Variants in HIVEP3 observed in about 807,000 individuals in gnomAD.
HIVEP3 encodes HIVEP zinc finger 3.
A neutral mutation model predicts 152.8 loss-of-function variants in HIVEP3; 49 were observed. That is an observed-to-expected ratio of 0.32 (90% CI 0.26 to 0.41). The LOEUF (loss-of-function observed/expected upper bound fraction) is 0.41, where lower values mean the gene tolerates loss of function less well. Ranked by LOEUF, HIVEP3 falls within the 10% of genes least tolerant of loss-of-function variation. The pLI is 1.00. For missense variants in HIVEP3, 2,790 were observed against 3,103.3 expected (o/e 0.90, Z 2.40); for synonymous variants, 1,269 against 1,289.0 (o/e 0.98, Z 0.33).
At chr1:41,942,540 T>C (rs1029586541) in intron 1 of HIVEP3, among the ~76,000 whole-genome samples, 3 of 152,234 alleles carry the variant, frequency 2.0e-5, no homozygotes, top group Admixed American at 6.5e-5. Context: ...ATAACCCCTA[T>C]GGAACTTTTT....
At position 41,556,285 on chromosome 1, in the gene HIVEP3, A is replaced by T. The variant is rs1345783743; in HGVS notation, c.5207+19259T>A. Among the ~76,000 whole-genome samples the T allele has an allele frequency of 2.0e-5, 3 of 152,310 alleles. No homozygotes were observed. The East Asian group carries it at 5.8e-4, about 29-fold the overall frequency. ...TTCCAATTTCTCCACATCCTTCTCAACACTTATTTTCCATGTTTTTGATAA... is the reference window on the plus strand; with the variant it reads ...TTCCAATTTCTCCACATCCTTCTCATCACTTATTTTCCATGTTTTTGATAA... On this transcript the variant is annotated intron_variant, in intron 5 of 8. Transcript: ENST00000372583.
At chr1:41,805,107 C>T (rs905487330) in intron 1 of HIVEP3, among the ~76,000 whole-genome samples, 43 of 152,284 alleles carry the variant, frequency 2.8e-4, no homozygotes, top group African/African-American at 9.1e-4. Flanking sequence ...GAGGCTGAGG[C>T]GGGCACATCG....
At chr1:41,934,845 C>T (rs970974159) in intron 1 of HIVEP3, among the ~76,000 whole-genome samples, 4 of 152,150 alleles carry the variant, frequency 2.6e-5, no homozygotes, top group East Asian at 1.9e-4. Context: ...AAAGCATCTA[C>T]CAGCCTGCAA....
chr1:41,612,340 G>T (rs1644910886), intron 3 of HIVEP3, among the ~76,000 whole-genome samples: 1 of 152,200 alleles, frequency 6.6e-6, no homozygotes, highest in Non-Finnish European at 1.5e-5. Flanking sequence ...CCTTACGTTA[G>T]TGCAGTGACT....
intron 3 of HIVEP3, among the ~76,000 whole-genome samples, chr1:41,622,843 C>T (rs1185208285): frequency 1.3e-5 from 2 of 152,210 alleles, no homozygotes; most frequent in East Asian, 3.8e-4. Flanking sequence ...AGATCAACAA[C>T]AACATTGCTG....
intron 1 of HIVEP3, among the ~76,000 whole-genome samples, chr1:41,985,614 T>G (rs376187086): frequency 1.3e-5 from 2 of 152,324 alleles, no homozygotes; most frequent in East Asian, 3.9e-4. Context: ...CCATTGAGTT[T>G]AGGGTTTCAA....
intron 1 of HIVEP3, among the ~76,000 whole-genome samples, chr1:41,721,261 G>A (rs934904045): frequency 2.6e-5 from 4 of 151,668 alleles, no homozygotes; most frequent in Non-Finnish European, 2.9e-5. Context: ...AGGCTGGAGT[G>A]CAATGGAGCG....
chr1:41,868,198 T>G (rs1644015039), intron 1 of HIVEP3, among the ~76,000 whole-genome samples: 3 of 7,008 alleles, frequency 4.3e-4, no homozygotes, highest in Admixed American at 1.5e-3. Flanking sequence ...TTTGTGGGGG[T>G]TTTTTTTTTT....
At chr1:41,799,973 T>C (rs931745150) in intron 1 of HIVEP3, among the ~76,000 whole-genome samples, 1 of 152,102 alleles carries the variant, frequency 6.6e-6, no homozygotes, top group African/African-American at 2.4e-5. Flanking sequence ...CCCACATCCC[T>C]AGGAGCAGCC....
intron 2 of HIVEP3, among the ~76,000 whole-genome samples, chr1:41,694,819 A>G (rs1646248269): frequency 6.6e-6 from 1 of 152,220 alleles, no homozygotes; most frequent in Non-Finnish European, 1.5e-5. Flanking sequence ...AGTTGGGATC[A>G]CTAGTCTCAT....
chr1:41,688,336 C>T (rs923508083), intron 2 of HIVEP3, among the ~76,000 whole-genome samples: 1 of 152,240 alleles, frequency 6.6e-6, no homozygotes, highest in African/African-American at 2.4e-5. Flanking sequence ...GGACTCTTTT[C>T]CTGGATGGCT....
intron 1 of HIVEP3, among the ~76,000 whole-genome samples, chr1:41,796,637 G>A (rs1261341614): frequency 1.3e-5 from 2 of 152,238 alleles, no homozygotes; most frequent in East Asian, 1.9e-4. Flanking sequence ...ATTATCTTGA[G>A]CAGGTAATTT....
chr1:41,622,715 A>G (rs1645064024), intron 3 of HIVEP3, among the ~76,000 whole-genome samples: 1 of 152,174 alleles, frequency 6.6e-6, no homozygotes, highest in Non-Finnish European at 1.5e-5. Flanking sequence ...TAGCAGGGTC[A>G]GATTTGTGTT....
intron 1 of HIVEP3, among the ~76,000 whole-genome samples, chr1:41,757,204 C>T (rs1372609574): frequency 6.6e-6 from 1 of 151,424 alleles, no homozygotes; most frequent in Non-Finnish European, 1.5e-5. Context: ...CAAGCTCTGC[C>T]TCCCAGGTTC....
chr1:41,619,730 G>T (rs1327660243), intron 3 of HIVEP3, among the ~76,000 whole-genome samples: 1 of 152,166 alleles, frequency 6.6e-6, no homozygotes, highest in Non-Finnish European at 1.5e-5. Context: ...AGGGAGGTCA[G>T]CTGGGAGGCT....
At chr1:41,972,822 A>G (rs894386556) in intron 1 of HIVEP3, among the ~76,000 whole-genome samples, 4 of 152,194 alleles carry the variant, frequency 2.6e-5, no homozygotes, top group Admixed American at 6.5e-5. Flanking sequence ...AATTCTTTGA[A>G]AAGTTTGAGT....
intron 1 of HIVEP3, among the ~76,000 whole-genome samples, chr1:41,999,898 TC>T (rs199683744): frequency 0.02 from 3,053 of 151,974 alleles, 86 homozygotes; most frequent in African/African-American, 0.069. Context: ...TTTTTTTTTT[TC>T]AAACTTTTAT....
At chr1:42,007,029 T>G (rs954903570) in intron 1 of HIVEP3, among the ~76,000 whole-genome samples, 1 of 152,222 alleles carries the variant, frequency 6.6e-6, no homozygotes, top group African/African-American at 2.4e-5. Flanking sequence ...TTGGACTATA[T>G]GTGTTTCCAC....
intron 1 of HIVEP3, among the ~76,000 whole-genome samples, chr1:41,844,411 C>T (rs1189370659): frequency 6.6e-6 from 1 of 152,214 alleles, no homozygotes; most frequent in Non-Finnish European, 1.5e-5. Context: ...AGTAGCAACA[C>T]ACGTTATCAT....
Sources: gnomAD v4.1 joint callset for allele counts (sites outside exome capture counted in the v4.1 genomes callset) on GRCh38, gnomAD v4.1.1 for gene constraint, MANE v1.5 for transcripts, NCBI Gene and HGNC (gene_info 2026-07-23, HGNC 2026-07-21) for gene names.